The following CFAP92 variants were observed in gnomAD, a reference collection of about 807,000 sequenced individuals.
CFAP92 encodes the protein cilia and flagella associated protein 92 (putative).
Under a neutral mutation model 106.3 loss-of-function variants are expected in CFAP92, and 86 were observed. The ratio of observed to expected loss-of-function variants is 0.81; its 90% CI spans 0.68 to 0.97. CFAP92 has a LOEUF of 0.97. Among genes scored for constraint, CFAP92 ranks in the 50% least tolerant of loss-of-function variants. CFAP92 has a pLI of 0.00. For synonymous variants in CFAP92, 477 were observed against 506.4 expected (o/e 0.94, Z 0.78); for missense variants, 1,204 against 1,283.8 (o/e 0.94, Z 0.95).
chr3:128,978,387 C>T, intron 4 of CFAP92: 1 of 455,214 alleles, frequency 2.2e-6, no homozygotes, highest in South Asian at 4.9e-5. Context: ...ATTAAGTGTG[C>T]AAAAGCATTA....
the CFAP92 span, among the ~76,000 whole-genome samples, chr3:129,013,007 C>T: frequency 1.3e-5 from 2 of 152,256 alleles, no homozygotes; most frequent in Middle Eastern, 3.4e-3. Flanking sequence ...TGCTATTTAC[C>T]CACAAGGAGA....
upstream of CFAP92, chr3:129,003,941 C>CGGCGGCGCGCGGAGGA (rs1944932660): frequency 7.1e-7 from 1 of 1,402,198 alleles, no homozygotes; most frequent in Non-Finnish European, 9.2e-7. Flanking sequence ...GGCCGAGGTG[C>CGGCGGCGCGCGGAGGA]GGCGGCGCGC....
chr3:129,000,707 C>A (rs1944684971), intron 1 of CFAP92, among the ~76,000 whole-genome samples: 1 of 152,246 alleles, frequency 6.6e-6, no homozygotes, highest in African/African-American at 2.4e-5. Flanking sequence ...CAATCATCGA[C>A]CTGTTAACCT....
chr3:129,015,096 C>T, the CFAP92 span, among the ~76,000 whole-genome samples: 1 of 152,200 alleles, frequency 6.6e-6, no homozygotes, highest in Non-Finnish European at 1.5e-5. Flanking sequence ...GATCCCACCT[C>T]GGGCTCGCCC....
rs1490438023 is a variant in CFAP92 at position 128,987,798 on chromosome 3, G to C, written c.485C>G (p.Ala162Gly). 6.2e-7 allele frequency: 1 copy of C among 1,612,554 alleles called. No homozygotes were observed. Among genetic ancestry groups the C allele is most frequent in the Non-Finnish European group, 8.5e-7 (1 of 1,179,236 alleles). ...TVKPWHEGDKAWVSWEQTFNI... is the reference protein window; with the variant it reads ...TVKPWHEGDKGWVSWEQTFNI... ...AAAAGTCTGCTCCCACGACACCCAG[G>C]CTTTGTCACCTTCGTGCCACGGCTT... Residue 162 changes from alanine to glycine, a missense_variant, in exon 4 of 16, where the codon GCC becomes GGC. By Grantham distance (60) the Ala-to-Gly change is moderately conservative. Coordinates refer to ENST00000645291, the MANE Select transcript of CFAP92 (RefSeq NM_001394090.1).
the CFAP92 span, among the ~76,000 whole-genome samples, chr3:129,011,550 C>CAAAAAA: frequency 2.5e-4 from 23 of 93,530 alleles, no homozygotes; most frequent in African/African-American, 8.3e-4. Context: ...GACTCCGTCT[C>CAAAAAA]AAAAAAAAAA....
At chr3:129,011,937 C>G in the CFAP92 span, among the ~76,000 whole-genome samples, 1 of 152,224 alleles carries the variant, frequency 6.6e-6, no homozygotes, top group Non-Finnish European at 1.5e-5. Flanking sequence ...GTAATCTGCC[C>G]AGGCTCACCC....
chr3:128,937,842 C>T (rs1032895292), intron 10 of CFAP92, among the ~76,000 whole-genome samples: 5 of 152,058 alleles, frequency 3.3e-5, no homozygotes, highest in Admixed American at 3.3e-4. Context: ...GCAGGTGGAT[C>T]ACCTGAGGTC....
At chr3:129,000,549 C>T (rs1364938496) in intron 1 of CFAP92, among the ~76,000 whole-genome samples, 1 of 152,190 alleles carries the variant, frequency 6.6e-6, no homozygotes, top group Admixed American at 6.5e-5. Context: ...TAACCGTTCC[C>T]GGTGCAGGTA....
the CFAP92 span, among the ~76,000 whole-genome samples, chr3:129,015,399 T>C: frequency 5.9e-5 from 9 of 152,164 alleles, no homozygotes; most frequent in East Asian, 1.7e-3. Context: ...TTGTGATGAC[T>C]TCATTGAGGT....
chr3:128,985,796 T>C (rs1482680562), intron 4 of CFAP92, among the ~76,000 whole-genome samples: 1 of 152,232 alleles, frequency 6.6e-6, no homozygotes, highest in Non-Finnish European at 1.5e-5. Context: ...TTTCTCACAC[T>C]GGAAGCCTAC....
intron 1 of CFAP92, chr3:129,001,684 C>A (rs959906792): frequency 2.0e-6 from 3 of 1,481,352 alleles, no homozygotes; most frequent in African/African-American, 2.9e-5. Context: ...GGAGGTGACC[C>A]GTACCGGCGA....
upstream of CFAP92, among the ~76,000 whole-genome samples, chr3:128,994,442 T>A (rs959420443): frequency 2.0e-5 from 3 of 152,010 alleles, no homozygotes; most frequent in Non-Finnish European, 4.4e-5. Flanking sequence ...CTCTGCAAAC[T>A]CCAGACCTCC....
intron 4 of CFAP92, among the ~76,000 whole-genome samples, chr3:128,982,775 G>A (rs1192215353): frequency 6.6e-6 from 1 of 152,156 alleles, no homozygotes; most frequent in African/African-American, 2.4e-5. Context: ...GAATAGGGAG[G>A]CCTGAAGAGA....
intron 9 of CFAP92, among the ~76,000 whole-genome samples, chr3:128,961,117 A>G (rs1576534408): frequency 6.6e-6 from 1 of 152,316 alleles, no homozygotes. Context: ...CTTGACCCCA[A>G]TACAAACTCA....
intron 2 of CFAP92, chr3:128,991,972 A>AGC (rs1944246027): frequency 1.4e-6 from 1 of 723,354 alleles, no homozygotes; most frequent in Middle Eastern, 7.1e-4. Flanking sequence ...GGAGACACTC[A>AGC]AAGACTTGAG....
At chr3:128,959,424 A>C (rs1289009433) in intron 9 of CFAP92, among the ~76,000 whole-genome samples, 3 of 152,148 alleles carry the variant, frequency 2.0e-5, no homozygotes, top group Non-Finnish European at 4.4e-5. Context: ...AAAAGGTAGA[A>C]AAAAATATAT....
At chr3:128,982,702 G>C (rs1943606945) in intron 4 of CFAP92, among the ~76,000 whole-genome samples, 1 of 152,170 alleles carries the variant, frequency 6.6e-6, no homozygotes. Flanking sequence ...CCTTTCACTT[G>C]AACACTTTAG....
upstream of CFAP92, among the ~76,000 whole-genome samples, chr3:129,005,034 C>G (rs981823803): frequency 8.5e-5 from 13 of 152,176 alleles, no homozygotes; most frequent in Admixed American, 5.2e-4. Context: ...GACAGAGCCT[C>G]TCTCCCTTTC....
Sources: allele counts gnomAD v4.1 joint callset (sites outside exome capture counted in the v4.1 genomes callset), GRCh38; gene constraint gnomAD v4.1.1; transcripts MANE v1.5; gene names NCBI Gene and HGNC (gene_info 2026-07-23, HGNC 2026-07-21).